Variants in ARHGAP10 observed in about 807,000 individuals in gnomAD.
ARHGAP10 encodes Rho GTPase activating protein 10, also known as rho GTPase-activating protein 10.
ARHGAP10 carries 87 observed loss-of-function variants against 108.6 expected under a neutral mutation model. The ratio of observed to expected loss-of-function variants is 0.80; its 90% CI spans 0.67 to 0.96. The LOEUF is 0.96. Ranked by LOEUF, ARHGAP10 falls within the 40% of genes least tolerant of loss-of-function variation. ARHGAP10 has a pLI of 0.00. For missense variants in ARHGAP10, 939 were observed against 954.5 expected (o/e 0.98, Z 0.21); for synonymous variants, 347 against 341.1 (o/e 1.02, Z -0.19).
At chr4:147,894,507 C>CT (rs1275940709) in intron 10 of ARHGAP10, among the ~76,000 whole-genome samples, 3 of 152,104 alleles carry the variant, frequency 2.0e-5, no homozygotes, top group Non-Finnish European at 4.4e-5. Context: ...GCTTGCCTAT[C>CT]TTTTTCTTCA....
In ARHGAP10 at chr4:147,875,093, G is replaced by T; in HGVS notation, c.775G>T (p.Asp259Tyr). ...GAACAAAATCAGACAGAATCCCAAG[G>T]ACCACAAACGAGCAAGTCAGTTTAC... ...LMNKIRQNPK[D>Y]HKRASQFTAE... The change falls in exon 8 of 23, where the codon GAC becomes TAC. Residue 259 changes from aspartate to tyrosine, a missense_variant. Transcript: ENST00000336498. 6.2e-7 allele frequency: 1 copy of T among 1,608,248 alleles called. No individual in the cohort carries two copies. Among genetic ancestry groups the T allele is most frequent in the Admixed American group, 1.7e-5 (1 of 58,242 alleles).
intron 18 of ARHGAP10, among the ~76,000 whole-genome samples, chr4:147,989,434 G>GAGC (rs1385398591): frequency 2.6e-5 from 4 of 152,204 alleles, no homozygotes; most frequent in Non-Finnish European, 4.4e-5. Flanking sequence ...ATAAGCCTGG[G>GAGC]AGCGGTATGG....
rs1398418340 is a variant in ARHGAP10 at position 148,011,833 on chromosome 4, G to T, written c.1717-11430G>T. On this transcript the variant is annotated intron_variant, in intron 18 of 22. Coordinates refer to ENST00000336498, the MANE Select transcript of ARHGAP10 (RefSeq NM_024605.4). Reference sequence around the variant, plus strand: ...GAATATTTAAGAATCCTGTTCCTTGGCATCTTTAGCCAGTTAGTTTTAGCA... The same window carrying T: ...GAATATTTAAGAATCCTGTTCCTTGTCATCTTTAGCCAGTTAGTTTTAGCA... Among the ~76,000 whole-genome samples the T allele has an allele frequency of 3.3e-5, 5 of 152,082 alleles. No homozygotes were observed. In the East Asian group the frequency reaches 9.6e-4, roughly 29 times the overall value.
At chr4:148,053,499 C>T (rs1484517736) in intron 20 of ARHGAP10, among the ~76,000 whole-genome samples, 1 of 152,186 alleles carries the variant, frequency 6.6e-6, no homozygotes, top group Non-Finnish European at 1.5e-5. Context: ...CCTTCTCCCC[C>T]ACAGCAGAGC....
At chr4:147,874,308 T>C (rs977328826) in intron 7 of ARHGAP10, among the ~76,000 whole-genome samples, 3 of 152,206 alleles carry the variant, frequency 2.0e-5, no homozygotes, top group Non-Finnish European at 4.4e-5. Context: ...TGCTGACTCG[T>C]CACAATTGCC....
intron 18 of ARHGAP10, among the ~76,000 whole-genome samples, chr4:148,009,306 A>AT (rs1161650450): frequency 1.4e-4 from 21 of 151,970 alleles, no homozygotes; most frequent in Admixed American, 9.2e-4. Context: ...TAATTTTTGT[A>AT]TTTTTAGTAG....
At chr4:147,956,417 A>G (rs1462138608) in intron 16 of ARHGAP10, among the ~76,000 whole-genome samples, 1 of 152,158 alleles carries the variant, frequency 6.6e-6, no homozygotes, top group Admixed American at 6.6e-5. Context: ...GACTCTACAT[A>G]TAAAAGAGGC....
At chr4:147,882,849 T>C (rs1735385074) in intron 10 of ARHGAP10, among the ~76,000 whole-genome samples, 1 of 152,218 alleles carries the variant, frequency 6.6e-6, no homozygotes, top group South Asian at 2.1e-4. Context: ...AAAATCCTAG[T>C]GTTCATAGAA....
chr4:147,974,365 C>T (rs1312487987), intron 18 of ARHGAP10, among the ~76,000 whole-genome samples: 1 of 152,068 alleles, frequency 6.6e-6, no homozygotes, highest in Non-Finnish European at 1.5e-5. Context: ...ATTTGACTCC[C>T]TCCTCATCTC....
At chr4:147,944,979 C>T (rs575655819) in intron 14 of ARHGAP10, among the ~76,000 whole-genome samples, 108 of 152,176 alleles carry the variant, frequency 7.1e-4, no homozygotes, top group Non-Finnish European at 1.4e-3. Context: ...CCTTGATGCT[C>T]TCAATCGTTC....
intron 18 of ARHGAP10, among the ~76,000 whole-genome samples, chr4:148,013,120 G>GCC (rs367875587): frequency 2.0e-5 from 3 of 152,190 alleles, no homozygotes; most frequent in African/African-American, 7.2e-5. Flanking sequence ...ATACTAATCT[G>GCC]CCCCCCACCT....
rs1738489487 is a variant in ARHGAP10, at chr4:147,948,931, A to T, written c.1391+2227A>T. On this transcript the variant is annotated intron_variant, in intron 15 of 22. Coordinates refer to ENST00000336498, the MANE Select transcript of ARHGAP10 (RefSeq NM_024605.4). ...CAGTGAGCCAAGATCCAGCCACTGC[A>T]CTCCAGCCTAGGAGACAGAGCGAGA... Among the ~76,000 whole-genome samples the T allele has an allele frequency of 2.0e-5, 3 of 150,566 alleles. No individual in the cohort carries two copies. In the South Asian group the frequency reaches 6.3e-4, roughly 32 times the overall value.
chr4:147,805,646 T>G (rs1001098024), intron 1 of ARHGAP10, among the ~76,000 whole-genome samples: 1 of 152,122 alleles, frequency 6.6e-6, no homozygotes, highest in Non-Finnish European at 1.5e-5. Context: ...CAAAGCAAAA[T>G]AATAATTTAT....
chr4:147,904,904 A>AC (rs1736409491), intron 10 of ARHGAP10, among the ~76,000 whole-genome samples: 1 of 152,054 alleles, frequency 6.6e-6, no homozygotes, highest in African/African-American at 2.4e-5. Flanking sequence ...TTGTTTCCTG[A>AC]CTTTTTAATG....
chr4:148,047,820 C>CT lies in ARHGAP10; in HGVS notation c.2027+778dup, dbSNP rs905827266. 7.9e-5 allele frequency among the ~76,000 whole-genome samples: 12 copies of CT among 151,514 alleles called. No individual in the cohort carries two copies. In the East Asian group the frequency reaches 9.7e-4, roughly 12 times the overall value. The stretch of plus-strand genomic sequence containing the variant: ...TACATTTATAATTCATCCAGAGAAT[C>CT]TTTTTTTTTCTTTTTTTTAAAGATG... On this transcript the variant is annotated intron_variant, in intron 20 of 22. Coordinates refer to ENST00000336498, the MANE Select transcript of ARHGAP10 (RefSeq NM_024605.4).
chr4:147,904,273 G>A (rs888861815), intron 10 of ARHGAP10, among the ~76,000 whole-genome samples: 10 of 151,948 alleles, frequency 6.6e-5, no homozygotes, highest in South Asian at 6.3e-4. Flanking sequence ...GGGTACATGT[G>A]CACAATGTGC....
intron 20 of ARHGAP10, among the ~76,000 whole-genome samples, chr4:148,060,791 G>A (rs974730166): frequency 6.6e-6 from 1 of 152,134 alleles, no homozygotes; most frequent in African/African-American, 2.4e-5. Context: ...AAGTCTACAT[G>A]GGAAGTGTGG....
chr4:147,941,982 A>C (rs1043094560), intron 14 of ARHGAP10, among the ~76,000 whole-genome samples: 7 of 152,146 alleles, frequency 4.6e-5, no homozygotes, highest in Admixed American at 1.3e-4. Flanking sequence ...CCTCTTCCAA[A>C]AAAAGGGTTT....
At chr4:147,902,821 G>A (rs370933992) in intron 10 of ARHGAP10, among the ~76,000 whole-genome samples, 10 of 151,358 alleles carry the variant, frequency 6.6e-5, no homozygotes, top group African/African-American at 2.4e-4. Flanking sequence ...CATGGGTGGG[G>A]AGGCCTCAGG....
Sources: gnomAD v4.1 joint callset for allele counts (sites outside exome capture counted in the v4.1 genomes callset) on GRCh38, gnomAD v4.1.1 for gene constraint, MANE v1.5 for transcripts, NCBI Gene and HGNC (gene_info 2026-07-23, HGNC 2026-07-21) for gene names.